Variants in TRERF1 observed in about 807,000 individuals in gnomAD.
TRERF1 encodes the protein transcriptional regulating factor 1.
Under a neutral mutation model 122.9 loss-of-function variants are expected in TRERF1, and 27 were observed. The ratio of observed to expected loss-of-function variants is 0.22; its 90% CI spans 0.16 to 0.30. The LOEUF (loss-of-function observed/expected upper bound fraction) is 0.30. Among genes scored for constraint, TRERF1 ranks in the 10% least tolerant of loss-of-function variants. TRERF1 has a pLI of 1.00. For missense variants in TRERF1, 1,248 were observed against 1,560.3 expected (o/e 0.80, Z 3.37); for synonymous variants, 636 against 641.7 (o/e 0.99, Z 0.13).
intron 2 of TRERF1, among the ~76,000 whole-genome samples, chr6:42,438,430 C>G (rs578215959): frequency 1.3e-5 from 2 of 151,040 alleles, no homozygotes; most frequent in African/African-American, 4.8e-5. Flanking sequence ...GGCAATATGG[C>G]AAATCCCCAC....
rs1777500530 is a variant in TRERF1 at position 42,259,819 on chromosome 6, G to A, written c.1885-96C>T. ...AAGGGGGCCTTCTACTGTCTAAGCA[G>A]AGAGCCCTTCTGCTTGACCCCCCCA... On this transcript the variant is annotated intron_variant, in intron 8 of 17. Transcript: ENST00000372922. The surrounding 1 kb of genome is among the most constrained non-coding windows in gnomAD (Gnocchi z 4.9). The A allele has an allele frequency of 6.5e-7, 1 of 1,538,038 alleles. No homozygotes were observed. The highest frequency in any genetic ancestry group is 8.7e-7 in the Non-Finnish European group (1 of 1,147,704).
chr6:42,250,842 CTG>C (rs932535670), intron 13 of TRERF1, among the ~76,000 whole-genome samples: 9 of 152,068 alleles, frequency 5.9e-5, no homozygotes, highest in African/African-American at 2.2e-4. Flanking sequence ...AGGCTCTGGA[CTG>C]TGGCTAATTT....
chr6:42,397,801 T>C (rs1778845060), intron 2 of TRERF1, among the ~76,000 whole-genome samples: 1 of 152,176 alleles, frequency 6.6e-6, no homozygotes, highest in South Asian at 2.1e-4. Context: ...ATATCTGCTC[T>C]TAGAGAAATA....
chr6:42,285,420 G>A (rs565904694), intron 4 of TRERF1, among the ~76,000 whole-genome samples: 4,609 of 151,692 alleles, frequency 0.03, 67 homozygotes, highest in Non-Finnish European at 0.048. Context: ...CAATCATGTC[G>A]TCTGCAAACA....
At position 42,228,336 on chromosome 6, in the gene TRERF1, C is replaced by G; in HGVS notation, c.*9G>C. 1.3e-6 allele frequency: 2 copies of G among 1,599,380 alleles called. No individual in the cohort carries two copies. Among genetic ancestry groups the G allele is most frequent in the Middle Eastern group, 1.7e-4 (1 of 5,970 alleles). On this transcript the variant is annotated 3_prime_UTR_variant, in exon 18 of 18. Transcript: ENST00000372922. This position sits in a 1 kb window ranked among gnomAD's most constrained non-coding sequence, Gnocchi z 4.2. ...GGGTTTTCACTGTCTCTAAGTGACACACAGGGCTTTATAGTTCTGCGTCAC... is the reference window on the plus strand; with the variant it reads ...GGGTTTTCACTGTCTCTAAGTGACAGACAGGGCTTTATAGTTCTGCGTCAC...
chr6:42,238,835 T>A (rs9296381), intron 15 of TRERF1, among the ~76,000 whole-genome samples: 5,238 of 143,142 alleles, frequency 0.037, 359 homozygotes, highest in African/African-American at 0.13. Context: ...ATCATGCATT[T>A]CACACACACA....
chr6:42,367,529 G>C (rs1772972554), intron 2 of TRERF1, among the ~76,000 whole-genome samples: 1 of 152,164 alleles, frequency 6.6e-6, no homozygotes, highest in Admixed American at 6.5e-5. Flanking sequence ...CCCTGCTGGG[G>C]GCTCTGTGTG....
chr6:42,261,373 C>T (rs1336138168), intron 8 of TRERF1, among the ~76,000 whole-genome samples: 4 of 152,292 alleles, frequency 2.6e-5, no homozygotes, highest in Admixed American at 1.3e-4. Context: ...CTGGATTTTC[C>T]GATCCTCCAG....
chr6:42,334,996 C>T (rs1336830959), intron 3 of TRERF1, among the ~76,000 whole-genome samples: 3 of 152,188 alleles, frequency 2.0e-5, no homozygotes, highest in South Asian at 2.1e-4. Context: ...CAACATGAAT[C>T]GGCATATTAG....
rs1041664627 is a variant in TRERF1, at chr6:42,263,859, G to A, written c.1636-291C>T. The stretch of plus-strand genomic sequence containing the variant: ...GTCATGCTTTTAAAGAAAGGGACAC[G>A]GACTTGTAATCAGTCCAAAAGAAGG... On this transcript the variant is annotated intron_variant, in intron 7 of 17. Coordinates refer to ENST00000372922, the Ensembl canonical transcript of TRERF1. This position sits in a 1 kb window ranked among gnomAD's most constrained non-coding sequence, Gnocchi z 5.6. Among the ~76,000 whole-genome samples the A allele has an allele frequency of 5.3e-5, 8 of 152,186 alleles. No homozygotes were observed. Among genetic ancestry groups the A allele is most frequent in the Non-Finnish European group, 7.3e-5 (5 of 68,038 alleles).
At position 42,317,312 on chromosome 6, in the gene TRERF1, A is replaced by T. The variant is rs188478573; in HGVS notation, c.-370-16563T>A. Among the ~76,000 whole-genome samples the T allele has an allele frequency of 1.4e-3, 206 of 152,152 alleles. 1 individual carries two copies. Among genetic ancestry groups the T allele is most frequent in the Non-Finnish European group, 2.2e-3 (150 of 68,012 alleles). On this transcript the variant is annotated intron_variant, in intron 3 of 17. Transcript: ENST00000372922. The stretch of plus-strand genomic sequence containing the variant: ...GGAAGGAAGAACCTGTTGGGTAATT[A>T]TACCCTCACTCAGCACTAATTTCCT...
intron 13 of TRERF1, among the ~76,000 whole-genome samples, chr6:42,250,413 C>A (rs1007960737): frequency 6.6e-6 from 1 of 152,174 alleles, no homozygotes; most frequent in Admixed American, 6.5e-5. Context: ...CCGAAGTTAA[C>A]GAAAGGCTCA....
chr6:42,254,323 G>GT (rs1561832817), intron 13 of TRERF1, among the ~76,000 whole-genome samples: 1 of 152,186 alleles, frequency 6.6e-6, no homozygotes, highest in African/African-American at 2.4e-5. Context: ...CTAATACACA[G>GT]TAAGTGTTCA....
intron 2 of TRERF1, among the ~76,000 whole-genome samples, chr6:42,409,982 G>A (rs1780871317): frequency 6.6e-6 from 1 of 152,074 alleles, no homozygotes; most frequent in African/African-American, 2.4e-5. Context: ...CATCCACTGA[G>A]ACCAAATTCA....
intron 2 of TRERF1, among the ~76,000 whole-genome samples, chr6:42,371,786 G>A (rs559603661): frequency 1.3e-4 from 20 of 152,254 alleles, no homozygotes; most frequent in African/African-American, 4.8e-4. Flanking sequence ...CCCCCACATT[G>A]TGCTTGTATA....
chr6:42,266,370 G>A (rs1268027286), intron 5 of TRERF1, among the ~76,000 whole-genome samples: 1 of 151,924 alleles, frequency 6.6e-6, no homozygotes, highest in African/African-American at 2.4e-5. Flanking sequence ...TTGATTTTTT[G>A]TAGAGGCAAG....
chr6:42,440,209 C>T (rs961686625), intron 2 of TRERF1, among the ~76,000 whole-genome samples: 9 of 152,104 alleles, frequency 5.9e-5, no homozygotes, highest in Non-Finnish European at 8.8e-5. Context: ...CAACGGCAGG[C>T]CTCATTTGCA....
chr6:42,278,220 C>A lies in TRERF1; in HGVS notation c.-258-8372G>T, dbSNP rs147965175. Reference sequence around the variant, plus strand: ...GGTATTGACTGCATAGATCTGACGACTGTTTAGGGGGCAAATGCACGCAGT... The same window carrying A: ...GGTATTGACTGCATAGATCTGACGAATGTTTAGGGGGCAAATGCACGCAGT... On this transcript the variant is annotated intron_variant, in intron 4 of 17. Transcript: ENST00000372922. 1.4e-4 allele frequency among the ~76,000 whole-genome samples: 21 copies of A among 152,312 alleles called. No individual in the cohort carries two copies. In the East Asian group the frequency reaches 4.1e-3, roughly 29 times the overall value.
At chr6:42,364,450 G>A (rs1581802329) in intron 2 of TRERF1, among the ~76,000 whole-genome samples, 1 of 152,308 alleles carries the variant, frequency 6.6e-6, no homozygotes, top group East Asian at 1.9e-4. Flanking sequence ...TGAGAGCAGG[G>A]ACATCGTATT....
Sources: allele counts gnomAD v4.1 joint callset (sites outside exome capture counted in the v4.1 genomes callset), GRCh38; gene constraint gnomAD v4.1.1; non-coding constraint Gnocchi (gnomAD v3.1); transcripts MANE v1.5; gene names NCBI Gene and HGNC (gene_info 2026-07-23, HGNC 2026-07-21).